The following PARD3 variants were observed in gnomAD, a reference collection of about 807,000 sequenced individuals.
The protein encoded by PARD3 is par-3 family cell polarity regulator.
PARD3 carries 75 observed loss-of-function variants against 155.4 expected under a neutral mutation model. The ratio of observed to expected loss-of-function variants is 0.48; its 90% confidence interval spans 0.40 to 0.58. The LOEUF (loss-of-function observed/expected upper bound fraction) is 0.58. Among genes scored for constraint, PARD3 ranks in the 20% least tolerant of loss-of-function variants. PARD3 has a pLI of 0.00. For missense variants in PARD3, 1,642 were observed against 1,721.7 expected (o/e 0.95, Z 0.82); for synonymous variants, 576 against 610.5 (o/e 0.94, Z 0.83).
intron 22 of PARD3, among the ~76,000 whole-genome samples, chr10:34,203,016 GCA>G (rs1010448542): frequency 6.6e-6 from 1 of 152,094 alleles, no homozygotes; most frequent in Non-Finnish European, 1.5e-5. Context: ...AACCAAATGG[GCA>G]CAGTTACCTT....
intron 5 of PARD3, among the ~76,000 whole-genome samples, chr10:34,413,102 T>C (rs906907907): frequency 6.7e-6 from 1 of 149,212 alleles, no homozygotes; most frequent in Non-Finnish European, 1.5e-5. Context: ...TAACAGAAAT[T>C]TTCTCTCTTG....
chr10:34,445,098 C>T (rs1158890681), intron 5 of PARD3, among the ~76,000 whole-genome samples: 1 of 151,844 alleles, frequency 6.6e-6, no homozygotes, highest in Non-Finnish European at 1.5e-5. Flanking sequence ...TTTTCATGTA[C>T]ATGATGCAAT....
At chr10:34,520,530 A>G (rs984296869) in intron 2 of PARD3, among the ~76,000 whole-genome samples, 4 of 152,244 alleles carry the variant, frequency 2.6e-5, no homozygotes, top group African/African-American at 9.6e-5. Context: ...GTCTGCCTGT[A>G]TTAGAGACAC....
chr10:34,550,602 T>C (rs1053753493), intron 2 of PARD3, among the ~76,000 whole-genome samples: 1 of 151,930 alleles, frequency 6.6e-6, no homozygotes, highest in Non-Finnish European at 1.5e-5. Flanking sequence ...AAAATAAAAA[T>C]TTTCAAGGAA....
Position 34,551,713 on chromosome 10 carries a change from C to T in PARD3, c.223-34554G>A, listed in dbSNP as rs142182477. ...AGCTCAGGCTGCGGTTAGGCCAGGACGTAAGGGCAGCGTGTGATGGGCACT... is the reference window on the plus strand; with the variant it reads ...AGCTCAGGCTGCGGTTAGGCCAGGATGTAAGGGCAGCGTGTGATGGGCACT... On this transcript the variant is annotated intron_variant, in intron 2 of 24. Transcript: ENST00000374788. 3.7e-3 allele frequency among the ~76,000 whole-genome samples: 562 copies of T among 152,242 alleles called. 3 individuals are homozygous for T. Among genetic ancestry groups the T allele is most frequent in the African/African-American group, 0.013 (532 of 41,552 alleles).
At chr10:34,533,305 G>A (rs888041070) in intron 2 of PARD3, among the ~76,000 whole-genome samples, 1 of 151,906 alleles carries the variant, frequency 6.6e-6, no homozygotes, top group African/African-American at 2.4e-5. Flanking sequence ...GACATGCGCT[G>A]AAGAACTACC....
In PARD3 at chr10:34,168,441, T is replaced by C. The variant is rs192640004; in HGVS notation, c.3420-36858A>G. Reference sequence around the variant, plus strand: ...AGAGAACTGAGAGCCTGTTGATGAGTGATGCCAACATGTCTTGCCAAAGCA... The same window carrying C: ...AGAGAACTGAGAGCCTGTTGATGAGCGATGCCAACATGTCTTGCCAAAGCA... On this transcript the variant is annotated intron_variant, in intron 22 of 24. Coordinates refer to ENST00000374788, the MANE Select transcript of PARD3 (RefSeq NM_001184785.2). Among the ~76,000 whole-genome samples, 73 of 152,292 alleles carry C rather than the reference T, an allele frequency of 4.8e-4. 1 individual carries two copies. In the East Asian group the frequency reaches 0.014, roughly 29 times the overall value.
At chr10:34,618,756 G>A (rs143210206) in intron 2 of PARD3, among the ~76,000 whole-genome samples, 36 of 152,164 alleles carry the variant, frequency 2.4e-4, no homozygotes, top group Non-Finnish European at 4.4e-4. Context: ...CTTTCCACCC[G>A]TTCCACATTC....
intron 2 of PARD3, among the ~76,000 whole-genome samples, chr10:34,558,776 G>A (rs1050838584): frequency 3.9e-5 from 6 of 152,032 alleles, no homozygotes; most frequent in African/African-American, 1.2e-4. Context: ...CTCAAACCCC[G>A]TCTCCACTAA....
chr10:34,235,835 T>C (rs1953198483), intron 22 of PARD3, among the ~76,000 whole-genome samples: 1 of 152,218 alleles, frequency 6.6e-6, no homozygotes, highest in Non-Finnish European at 1.5e-5. Flanking sequence ...TCTCAGAAAA[T>C]GTCTGACAAT....
intron 1 of PARD3, among the ~76,000 whole-genome samples, chr10:34,780,224 T>C (rs796582621): frequency 1.4e-4 from 21 of 152,344 alleles, no homozygotes; most frequent in African/African-American, 5.0e-4. Flanking sequence ...ACCAAATACC[T>C]TCCTGGTTTT....
intron 16 of PARD3, among the ~76,000 whole-genome samples, chr10:34,340,104 TG>T (rs1836643682): frequency 6.6e-6 from 1 of 152,232 alleles, no homozygotes; most frequent in African/African-American, 2.4e-5. Context: ...TTATTTTCTT[TG>T]CCCCACATTC....
chr10:34,397,497 G>T (rs963343581), intron 7 of PARD3, among the ~76,000 whole-genome samples: 1 of 152,140 alleles, frequency 6.6e-6, no homozygotes, highest in African/African-American at 2.4e-5. Context: ...AGCTATAAAA[G>T]AACTTCTAGT....
chr10:34,399,187 A>G, intron 7 of PARD3, 143 bp downstream of exon 7: 1 of 644,744 alleles, frequency 1.6e-6, no homozygotes, highest in Non-Finnish European at 2.8e-6. Flanking sequence ...TGACATATAT[A>G]TAGGAATGAA....
At chr10:34,120,868 C>T (rs1174818627) in intron 23 of PARD3, among the ~76,000 whole-genome samples, 1 of 152,042 alleles carries the variant, frequency 6.6e-6, no homozygotes, top group Non-Finnish European at 1.5e-5. Context: ...CCAGCCTGGG[C>T]ACCACAGTGA....
chr10:34,303,094 C>T (rs1361650320), intron 20 of PARD3, among the ~76,000 whole-genome samples: 2 of 151,364 alleles, frequency 1.3e-5, no homozygotes, highest in East Asian at 1.9e-4. Context: ...TCCACCTGCC[C>T]ATCATTAGAA....
chr10:34,311,265 T>A (rs2384136), intron 20 of PARD3, among the ~76,000 whole-genome samples: 91,288 of 151,876 alleles, frequency 0.6, 29,475 homozygotes, highest in African/African-American at 0.86. Flanking sequence ...ATTTATTTTT[T>A]TTTATTTATT....
chr10:34,808,835 ACATCCGCCAGATT>A (rs1482672241), intron 1 of PARD3, among the ~76,000 whole-genome samples: 2 of 150,456 alleles, frequency 1.3e-5, no homozygotes, highest in African/African-American at 5.0e-5. Flanking sequence ...GAAGCGCTTC[ACATCCGCCAGATT>A]CTCTCTGAGA....
intron 2 of PARD3, among the ~76,000 whole-genome samples, chr10:34,688,367 C>G (rs1368472171): frequency 6.6e-6 from 1 of 152,154 alleles, no homozygotes; most frequent in Non-Finnish European, 1.5e-5. Context: ...AAGACCAAAC[C>G]AGACAGAGAT....
Sources: gnomAD v4.1 joint callset for allele counts (sites outside exome capture counted in the v4.1 genomes callset) on GRCh38, gnomAD v4.1.1 for gene constraint, MANE v1.5 for transcripts, NCBI Gene and HGNC (gene_info 2026-07-23, HGNC 2026-07-21) for gene names.